BNIP1: variants seen among roughly 807,000 people sequenced by gnomAD.
BNIP1 encodes the protein vesicle transport protein SEC20.
Under a neutral mutation model 28.5 loss-of-function variants are expected in BNIP1, and 25 were observed. The observed-to-expected ratio is 0.88, with a 90% CI of 0.64 to 1.23. The LOEUF (loss-of-function observed/expected upper bound fraction) is 1.23, where lower values mean the gene tolerates loss of function less well. Among genes scored for constraint, BNIP1 ranks in the 50% most tolerant of loss-of-function variants. BNIP1 has a pLI of 0.00. For synonymous variants in BNIP1, 118 were observed against 101.7 expected, an observed-to-expected ratio of 1.16 and a Z score of -0.96; for missense variants, 276 against 277.0, an observed-to-expected ratio of 1.00 and a Z score of 0.02.
intron 2 of BNIP1, among the ~76,000 whole-genome samples, chr5:173,150,458 G>C (rs1759982954): frequency 6.6e-6 from 1 of 152,118 alleles, no homozygotes; most frequent in Non-Finnish European, 1.5e-5. Flanking sequence ...TTTTGAAAAT[G>C]TGTAATTTTT....
In BNIP1 at chr5:173,158,211, G is replaced by A. The variant is rs571945285; in HGVS notation, c.270-533G>A. On this transcript the variant is annotated intron_variant, in intron 3 of 5. Transcript: ENST00000351486. ...CTCCTAAAGTGCTATGATTACAGGT[G>A]TGAACCACTGTGCCTGGCCACGATT... Among the ~76,000 whole-genome samples the A allele has an allele frequency of 6.6e-5, 10 of 152,072 alleles. No homozygotes were observed. The South Asian group carries it at 2.1e-3, about 32-fold the overall frequency.
chr5:173,150,204 G>A (rs1759976358), intron 2 of BNIP1, among the ~76,000 whole-genome samples: 1 of 150,860 alleles, frequency 6.6e-6, no homozygotes, highest in African/African-American at 2.4e-5. Context: ...GTTGCATTGA[G>A]CCAAGATTGT....
chr5:173,162,291 T>C (rs1160703415), intron 5 of BNIP1, among the ~76,000 whole-genome samples: 1 of 152,222 alleles, frequency 6.6e-6, no homozygotes, highest in Non-Finnish European at 1.5e-5. Context: ...TATTGAGATA[T>C]TTTACATTCC....
At chr5:173,160,291 A>G (rs1467157869) in intron 5 of BNIP1, among the ~76,000 whole-genome samples, 1 of 150,592 alleles carries the variant, frequency 6.6e-6, no homozygotes, top group Non-Finnish European at 1.5e-5. Context: ...TTGGAGTGCA[A>G]TGGTGCGATC....
rs527949123 is a variant in BNIP1 at position 173,144,751 on chromosome 5, C to T, written c.84+122C>T. On this transcript the variant is annotated intron_variant, in intron 1 of 5. Coordinates refer to ENST00000351486, the MANE Select transcript of BNIP1 (RefSeq NM_001205.3). ...TGGTTTCCCAGACCACAGGCTCCGC[C>T]CCATGGTCGGCTACCCCCCCGGTCC... The T allele has an allele frequency of 5.9e-6, 6 of 1,019,988 alleles. No homozygotes were observed. In the Admixed American group the frequency reaches 1.5e-4, roughly 26 times the overall value. The allele number at this position is 1,019,988 out of a possible 1,614,324, so 63.2% of individuals were successfully genotyped here. A position where few individuals can be genotyped will look rare whatever the true frequency, so the allele number is the denominator to read the frequency against.
chr5:173,144,727 G>C, intron 1 of BNIP1, 98 bp downstream of exon 1: 1 of 1,313,922 alleles, frequency 7.6e-7, no homozygotes, highest in Non-Finnish European at 1.1e-6. Flanking sequence ...TTCCCCACTT[G>C]GTTTCCCAGA....
chr5:173,157,805 G>A (rs1372688953), intron 3 of BNIP1, among the ~76,000 whole-genome samples: 1 of 152,116 alleles, frequency 6.6e-6, no homozygotes, highest in Non-Finnish European at 1.5e-5. Context: ...GATCCGCCGT[G>A]TCAGTCAGGG....
Position 173,144,562 on chromosome 5 carries a change from A to C in BNIP1, c.17A>C (p.Asp6Ala), listed in dbSNP as rs371311208. ...GTCCCCAACATGGCGGCTCCCCAAG[A>C]CGTCCACGTCCGGATCTGTAACCAA... MAAPQ[D>A]VHVRICNQEI... The change falls in exon 1 of 6, where the codon GAC becomes GCC. Residue 6 changes from aspartate (D) to alanine (A), a missense_variant. By Grantham distance (126) the Asp-to-Ala change is moderately radical. Transcript: ENST00000351486. The C allele has an allele frequency of 3.1e-6, 5 of 1,614,002 alleles. No individual in the cohort carries two copies. In the East Asian group the frequency reaches 6.7e-5, roughly 22 times the overall value.
intron 2 of BNIP1, among the ~76,000 whole-genome samples, chr5:173,150,621 G>A (rs1288679777): frequency 6.6e-6 from 1 of 152,084 alleles, no homozygotes; most frequent in Non-Finnish European, 1.5e-5. Context: ...CTGTCTATAA[G>A]TATCAACATT....
chr5:173,154,616 G>A (rs901477656), intron 3 of BNIP1, among the ~76,000 whole-genome samples: 4 of 151,826 alleles, frequency 2.6e-5, no homozygotes, highest in Admixed American at 1.3e-4. Flanking sequence ...TCTGCCTCCC[G>A]AGTTCAAGCA....
At position 173,160,354 on chromosome 5, in the gene BNIP1, C is replaced by G. The variant is rs1225500783; in HGVS notation, c.490+303C>G. Among the ~76,000 whole-genome samples the G allele has an allele frequency of 2.0e-5, 3 of 152,090 alleles. No homozygotes were observed. The East Asian group carries it at 5.8e-4, about 29-fold the overall frequency. On this transcript the variant is annotated intron_variant, in intron 5 of 5. Transcript: ENST00000351486. ...GTTTCAAGCGATTCTCCTGCCTTAG[C>G]CTCCCAAGTAGCTGGGATTACCGGC...
At chr5:173,154,257 A>G (rs1760113859) in intron 2 of BNIP1, 65 bp from the exon 3 acceptor site, 1 of 1,473,136 alleles carries the variant, frequency 6.8e-7, no homozygotes, top group Non-Finnish European at 9.4e-7. Flanking sequence ...CAGAAATAGA[A>G]ATGCTCTTCT....
chr5:173,150,573 T>C (rs1452563764), intron 2 of BNIP1, among the ~76,000 whole-genome samples: 3 of 152,236 alleles, frequency 2.0e-5, no homozygotes, highest in Non-Finnish European at 4.4e-5. Flanking sequence ...TTTTTTATTT[T>C]TGAAAAGATG....
Position 173,159,951 on chromosome 5 carries a change from C to T in BNIP1, c.390C>T (p.Ser130=), listed in dbSNP as rs759807894. The T allele has an allele frequency of 1.2e-6, 2 of 1,613,906 alleles. No homozygotes were observed. The highest frequency in any genetic ancestry group is 4.5e-5 in the East Asian group (2 of 44,888). The part of the protein sequence containing the change: ...LLRQRKTTKE[S]LAQTSSTITE... The stretch of plus-strand genomic sequence containing the variant: ...CTTTTAGGAAAACCACCAAAGAGAG[C>T]CTGGCCCAGACATCCAGTACCATCA... The change falls in exon 5 of 6, where the codon AGC becomes AGT. Residue 130 remains serine (S), a synonymous_variant. Coordinates refer to ENST00000351486, the MANE Select transcript of BNIP1 (RefSeq NM_001205.3).
At chr5:173,148,086 ATATATATATATATAT>A (rs1561593452) in intron 2 of BNIP1, among the ~76,000 whole-genome samples, 306 of 23,108 alleles carry the variant, frequency 0.013, 18 homozygotes, top group African/African-American at 0.022. Context: ...AAAAAAAAAT[ATATATATATATATAT>A]ATATATATAT....
intron 3 of BNIP1, among the ~76,000 whole-genome samples, chr5:173,158,127 C>T (rs1309738428): frequency 2.7e-5 from 4 of 150,686 alleles, no homozygotes; most frequent in East Asian, 3.9e-4. Context: ...GACGGGGTTT[C>T]TCCATGTTGC....
intron 3 of BNIP1, among the ~76,000 whole-genome samples, chr5:173,157,116 C>G (rs1329317604): frequency 6.6e-6 from 1 of 152,028 alleles, no homozygotes; most frequent in Admixed American, 6.6e-5. Context: ...AAGTACTGCC[C>G]CTCATTCATC....
chr5:173,160,534 C>T (rs913257873), intron 5 of BNIP1, among the ~76,000 whole-genome samples: 1 of 152,048 alleles, frequency 6.6e-6, no homozygotes, highest in Non-Finnish European at 1.5e-5. Flanking sequence ...ACGCCCGGCC[C>T]GTATTTCTGT....
At chr5:173,152,151 C>T (rs1165078518) in intron 2 of BNIP1, among the ~76,000 whole-genome samples, 1 of 152,200 alleles carries the variant, frequency 6.6e-6, no homozygotes, top group Non-Finnish European at 1.5e-5. Flanking sequence ...TTCTCCAGAA[C>T]TATCACTGGT....
Sources: gnomAD v4.1 joint callset for allele counts (sites outside exome capture counted in the v4.1 genomes callset) on GRCh38, gnomAD v4.1.1 for gene constraint, MANE v1.5 for transcripts, NCBI Gene and HGNC (gene_info 2026-07-23, HGNC 2026-07-21) for gene names.